The following SQOR variants were observed in gnomAD, a reference collection of about 807,000 sequenced individuals.
The protein encoded by SQOR is sulfide:quinone oxidoreductase, mitochondrial.
A neutral mutation model predicts 48.6 loss-of-function variants in SQOR; 39 were observed. The observed-to-expected ratio is 0.80, with a 90% CI of 0.62 to 1.05. The LOEUF is 1.05. SQOR is among the 50% of genes least tolerant of loss of function. SQOR has a pLI of 0.00. For synonymous variants in SQOR, 220 were observed against 206.2 expected, an observed-to-expected ratio of 1.07 and a Z score of -0.57; for missense variants, 561 against 559.9, an observed-to-expected ratio of 1.00 and a Z score of -0.02.
At chr15:45,642,806 A>G (rs891452312) in intron 1 of SQOR, among the ~76,000 whole-genome samples, 1 of 151,726 alleles carries the variant, frequency 6.6e-6, no homozygotes, top group African/African-American at 2.4e-5. Context: ...TTTCTTCCAG[A>G]AGCCTTTCCC....
Position 45,673,715 on chromosome 15 carries a change from G to A in SQOR, c.568G>A (p.Ala190Thr). The A allele has an allele frequency of 6.2e-7, 1 of 1,614,202 alleles. No homozygotes were observed. Among genetic ancestry groups the A allele is most frequent in the Non-Finnish European group, 8.5e-7 (1 of 1,180,026 alleles). Residue 190 changes from alanine (A) to threonine (T), a missense_variant, in exon 5 of 10, where the codon GCC becomes ACC. Coordinates refer to ENST00000260324, the MANE Select transcript of SQOR (RefSeq NM_021199.4). ...TCTGCAGGACTTCAAAGAGGGCAAT[G>A]CCATCTTCACCTTCCCAAATACTCC... Reference protein sequence around the residue: ...KALQDFKEGNAIFTFPNTPVK... With the variant: ...KALQDFKEGNTIFTFPNTPVK...
chr15:45,648,996 T>A (rs1410228035), intron 1 of SQOR, among the ~76,000 whole-genome samples: 1 of 152,240 alleles, frequency 6.6e-6, no homozygotes, highest in African/African-American at 2.4e-5. Context: ...GCTGAAGGGT[T>A]GATGACAATC....
At chr15:45,679,248 G>A (rs1397532434) in intron 6 of SQOR, among the ~76,000 whole-genome samples, 1 of 152,148 alleles carries the variant, frequency 6.6e-6, no homozygotes, top group African/African-American at 2.4e-5. Flanking sequence ...GTAAAGCTGT[G>A]GCTCTTAACC....
Position 45,659,205 on chromosome 15 carries a change from T to C in SQOR, c.234+48T>C, listed in dbSNP as rs1371024262. ...CTGGGTGTGTGTGTACGTGTGTGTG[T>C]GTGTGAGTGTGTGTGTGTGTGTGTT... On this transcript the variant is annotated intron_variant, in intron 2 of 9. Transcript: ENST00000260324. 31 of 1,373,184 alleles carry C rather than the reference T, an allele frequency of 2.3e-5. No homozygotes were observed. The East Asian group carries it at 7.6e-4, about 34-fold the overall frequency. The allele number at this position is 1,373,184 out of a possible 1,614,324, so 85.1% of individuals were successfully genotyped here. A position where few individuals can be genotyped will look rare whatever the true frequency, so the allele number is the denominator to read the frequency against.
chr15:45,648,535 G>A (rs1015286843), intron 1 of SQOR, among the ~76,000 whole-genome samples: 1 of 152,228 alleles, frequency 6.6e-6, no homozygotes, highest in East Asian at 1.9e-4. Context: ...AAAATATTTG[G>A]TTAAGAGGTG....
intron 1 of SQOR, among the ~76,000 whole-genome samples, chr15:45,650,294 A>G (rs1011722416): frequency 6.6e-6 from 1 of 152,214 alleles, no homozygotes; most frequent in Non-Finnish European, 1.5e-5. Flanking sequence ...ACTGACTTCA[A>G]GAATCACCCT....
chr15:45,672,712 A>G (rs1889966914), intron 4 of SQOR, among the ~76,000 whole-genome samples: 1 of 152,228 alleles, frequency 6.6e-6, no homozygotes, highest in Non-Finnish European at 1.5e-5. Context: ...CGAGCCTTCT[A>G]ACATTTATAA....
chr15:45,649,613 G>A (rs955861021), intron 1 of SQOR, among the ~76,000 whole-genome samples: 1 of 152,080 alleles, frequency 6.6e-6, no homozygotes, highest in African/African-American at 2.4e-5. Flanking sequence ...CTGAGTAGCT[G>A]GGATTACAGG....
At chr15:45,633,323 G>A (rs1011555084), upstream of SQOR, among the ~76,000 whole-genome samples, 1 of 152,148 alleles carries the variant, frequency 6.6e-6, no homozygotes, top group Admixed American at 6.5e-5. Context: ...TTCCAGGAAT[G>A]TTTCTATTGG....
chr15:45,690,901 T>G, intron 9 of SQOR, 72 bp from the exon 10 acceptor site: 1 of 1,364,562 alleles, frequency 7.3e-7, no homozygotes, highest in South Asian at 1.2e-5. Context: ...GGCTTCCCTT[T>G]CAGCATCCTC....
intron 1 of SQOR, among the ~76,000 whole-genome samples, chr15:45,640,669 G>A (rs1299981379): frequency 6.6e-6 from 1 of 152,188 alleles, no homozygotes; most frequent in Non-Finnish European, 1.5e-5. Context: ...GAAATGGCCA[G>A]TCCCGTTTAC....
intron 8 of SQOR, among the ~76,000 whole-genome samples, chr15:45,688,652 C>A (rs1392224160): frequency 6.6e-6 from 1 of 152,054 alleles, no homozygotes; most frequent in Admixed American, 6.6e-5. Flanking sequence ...GATGGAATTA[C>A]AGGCATGTGC....
intron 1 of SQOR, among the ~76,000 whole-genome samples, chr15:45,638,776 A>G (rs1186919377): frequency 2.0e-5 from 3 of 152,090 alleles, no homozygotes; most frequent in Non-Finnish European, 2.9e-5. Context: ...TTAGGTCATT[A>G]AGGTGGAGCC....
At chr15:45,668,319 A>G (rs753662139) in intron 3 of SQOR, among the ~76,000 whole-genome samples, 2 of 152,198 alleles carry the variant, frequency 1.3e-5, no homozygotes, top group Admixed American at 6.5e-5. Context: ...GAGAAATTGT[A>G]CTTTTCACAA....
intron 1 of SQOR, among the ~76,000 whole-genome samples, chr15:45,638,151 AGAAC>A (rs1202785316): frequency 6.6e-6 from 1 of 152,272 alleles, no homozygotes; most frequent in Non-Finnish European, 1.5e-5. Context: ...AAAACAAAAC[AGAAC>A]AAAAAAACCC....
upstream of SQOR, among the ~76,000 whole-genome samples, chr15:45,633,165 C>G (rs1231965720): frequency 1.3e-5 from 2 of 151,466 alleles, no homozygotes; most frequent in Non-Finnish European, 2.9e-5. Flanking sequence ...ACCCAATTAA[C>G]TGTCCAGAGT....
chr15:45,650,560 AG>A (rs1889463484), intron 1 of SQOR, among the ~76,000 whole-genome samples: 1 of 152,206 alleles, frequency 6.6e-6, no homozygotes, highest in Admixed American at 6.5e-5. Context: ...AACACGAAAG[AG>A]GACCAGAAAG....
At chr15:45,638,324 G>T (rs923521080) in intron 1 of SQOR, among the ~76,000 whole-genome samples, 5 of 152,184 alleles carry the variant, frequency 3.3e-5, no homozygotes, top group African/African-American at 9.7e-5. Context: ...AGAAGTGGTG[G>T]TGAGCACCTG....
chr15:45,687,876 C>T (rs1271317004), intron 7 of SQOR, among the ~76,000 whole-genome samples: 4 of 152,126 alleles, frequency 2.6e-5, no homozygotes, highest in African/African-American at 9.7e-5. Context: ...GTATCTATAT[C>T]CACCTGGTCC....
Sources: allele counts gnomAD v4.1 joint callset (sites outside exome capture counted in the v4.1 genomes callset), GRCh38; gene constraint gnomAD v4.1.1; transcripts MANE v1.5; gene names NCBI Gene and HGNC (gene_info 2026-07-23, HGNC 2026-07-21).